Variants in B4GALNT3 observed in about 807,000 individuals in gnomAD.
The protein encoded by B4GALNT3 is beta-1,4-N-acetylgalactosaminyltransferase 3.
B4GALNT3 carries 86 observed loss-of-function variants against 120.2 expected under a neutral mutation model. That is an observed-to-expected ratio of 0.72 (90% CI 0.60 to 0.86). The LOEUF is 0.86. Among genes scored for constraint, B4GALNT3 ranks in the 40% least tolerant of loss-of-function variants. B4GALNT3 has a pLI of 0.00. For missense variants in B4GALNT3, 1,167 were observed against 1,298.9 expected (o/e 0.90, Z 1.56); for synonymous variants, 518 against 510.4 (o/e 1.01, Z -0.20).
In B4GALNT3 at chr12:562,023, A is replaced by AC. The variant is rs1042631850; in HGVS notation, c.*576dup. On this transcript the variant is annotated 3_prime_UTR_variant, in exon 20 of 20. Transcript: ENST00000266383. The surrounding 1 kb of genome is among the most constrained non-coding windows in gnomAD (Gnocchi z 5.2). ...CCCACGTGGGGCAGGTCTCTGCTCC[A>AC]CCCCAGGCTCGTGCCTTCCAGAGAC... The AC allele has an allele frequency of 6.6e-6, 1 of 152,168 alleles. No homozygotes were observed. The highest frequency in any genetic ancestry group is 6.5e-5 in the Admixed American group (1 of 15,274). The allele number at this position is 152,168 out of a possible 1,614,324, so 9.4% of individuals were successfully genotyped here. A position where few individuals can be genotyped will look rare whatever the true frequency, so the allele number is the denominator to read the frequency against.
At chr12:474,015 C>A (rs942252807) in intron 1 of B4GALNT3, among the ~76,000 whole-genome samples, 12 of 152,066 alleles carry the variant, frequency 7.9e-5, no homozygotes, top group Non-Finnish European at 8.8e-5. Context: ...TTACAAAGAC[C>A]TCAGGAATTT....
At chr12:555,823 C>A (rs187316089) in intron 14 of B4GALNT3, among the ~76,000 whole-genome samples, 6 of 151,238 alleles carry the variant, frequency 4.0e-5, no homozygotes, top group Non-Finnish European at 8.8e-5. Context: ...CTCGCTCTGT[C>A]GCCCAGGCTG....
intron 3 of B4GALNT3, among the ~76,000 whole-genome samples, chr12:536,648 T>C (rs1946863745): frequency 6.6e-6 from 1 of 152,172 alleles, no homozygotes; most frequent in Non-Finnish European, 1.5e-5. Flanking sequence ...ACACCTAGTT[T>C]AGTGATTTCA....
chr12:512,165 A>C (rs1171506108), intron 1 of B4GALNT3, among the ~76,000 whole-genome samples: 1 of 50,116 alleles, frequency 2.0e-5, no homozygotes, highest in Non-Finnish European at 3.2e-5. Context: ...TCCGCCTTCC[A>C]CCTTCCGCCT....
chr12:554,110 G>A (rs1243515939), intron 14 of B4GALNT3, 127 bp downstream of exon 14: 11 of 669,808 alleles, frequency 1.6e-5, no homozygotes, highest in Admixed American at 2.8e-5. Flanking sequence ...CTTTGCCCCC[G>A]ACTCAGGCTC....
chr12:478,620 G>A (rs1946207190), intron 1 of B4GALNT3, among the ~76,000 whole-genome samples: 1 of 152,160 alleles, frequency 6.6e-6, no homozygotes, highest in Non-Finnish European at 1.5e-5. Flanking sequence ...TCTTCTAGCA[G>A]CTTTTTCAAC....
At chr12:491,355 A>T (rs551047058) in intron 1 of B4GALNT3, among the ~76,000 whole-genome samples, 1 of 150,562 alleles carries the variant, frequency 6.6e-6, no homozygotes, top group Admixed American at 6.6e-5. Flanking sequence ...TTTTTAAGAC[A>T]GTCTTGCTTT....
At chr12:482,968 C>G (rs1946255716) in intron 1 of B4GALNT3, among the ~76,000 whole-genome samples, 2 of 152,150 alleles carry the variant, frequency 1.3e-5, no homozygotes, top group African/African-American at 4.8e-5. Context: ...AGTGCAGTGG[C>G]ATGATCATGG....
chr12:539,473 G>GT (rs1335798097), intron 3 of B4GALNT3, among the ~76,000 whole-genome samples: 12 of 151,182 alleles, frequency 7.9e-5, no homozygotes, highest in Non-Finnish European at 1.6e-4. Flanking sequence ...TGAGAAGGCA[G>GT]TGTCTCTCTT....
chr12:499,031 A>C (rs1946415695), intron 1 of B4GALNT3, among the ~76,000 whole-genome samples: 1 of 152,194 alleles, frequency 6.6e-6, no homozygotes, highest in South Asian at 2.1e-4. Flanking sequence ...GAGAGGACAC[A>C]AAATCTGGTG....
Position 561,620 on chromosome 12 carries a change from G to C in B4GALNT3, c.*169G>C. The stretch of plus-strand genomic sequence containing the variant: ...CTGTCCCCTCACAGAGGCAGGTTCC[G>C]GGGCTCCTGTCTCTGCCTCCTGGGC... On this transcript the variant is annotated 3_prime_UTR_variant, in exon 20 of 20. Coordinates refer to ENST00000266383, the MANE Select transcript of B4GALNT3 (RefSeq NM_173593.4). The C allele has an allele frequency of 1.7e-6, 1 of 596,140 alleles. No individual in the cohort carries two copies. Among genetic ancestry groups the C allele is most frequent in the Non-Finnish European group, 3.0e-6 (1 of 338,002 alleles). 36.9% of individuals were successfully genotyped at this position (596,140 alleles called of 1,614,324 possible).
intron 1 of B4GALNT3, among the ~76,000 whole-genome samples, chr12:508,248 G>A (rs1238331274): frequency 6.6e-6 from 1 of 152,186 alleles, no homozygotes; most frequent in Non-Finnish European, 1.5e-5. Context: ...TACCTCAGAA[G>A]GTCCAGTGCA....
chr12:521,443 G>A (rs867432445), intron 1 of B4GALNT3, among the ~76,000 whole-genome samples: 2 of 152,166 alleles, frequency 1.3e-5, no homozygotes, highest in African/African-American at 2.4e-5. Context: ...GCCCAGTCGT[G>A]TGGTTCTGTC....
chr12:543,253 G>A, intron 3 of B4GALNT3: 1 of 1,237,864 alleles, frequency 8.1e-7, no homozygotes, highest in Non-Finnish European at 1.1e-6. Context: ...GGATAGAGTG[G>A]GCCGGACCCG....
chr12:497,618 T>G (rs1025856679), intron 1 of B4GALNT3, among the ~76,000 whole-genome samples: 1 of 152,222 alleles, frequency 6.6e-6, no homozygotes, highest in African/African-American at 2.4e-5. Context: ...TCATTTCTTT[T>G]GGGTATAGAC....
At chr12:518,622 C>G (rs1354427242) in intron 1 of B4GALNT3, among the ~76,000 whole-genome samples, 1 of 152,060 alleles carries the variant, frequency 6.6e-6, no homozygotes, top group Non-Finnish European at 1.5e-5. Flanking sequence ...TGGTCTCCAA[C>G]TCCTGGGCTC....
chr12:495,068 C>T (rs146593696), intron 1 of B4GALNT3, among the ~76,000 whole-genome samples: 24 of 152,306 alleles, frequency 1.6e-4, no homozygotes, highest in African/African-American at 5.1e-4. Context: ...TTCTGTGTTC[C>T]TGGCACAATG....
chr12:555,552 T>C, intron 14 of B4GALNT3: 1 of 347,752 alleles, frequency 2.9e-6, no homozygotes, highest in Non-Finnish European at 5.7e-6. Flanking sequence ...TGAACATTCA[T>C]GCACAAGCTT....
At chr12:536,151 CTCCTG>C in intron 2 of B4GALNT3, 62 bp from the exon 3 acceptor site, 1 of 1,389,538 alleles carries the variant, frequency 7.2e-7, no homozygotes, top group Non-Finnish European at 1.0e-6. Context: ...GGCACTGTGC[CTCCTG>C]TCCTGCCCGT....
Sources: gnomAD v4.1 joint callset for allele counts (sites outside exome capture counted in the v4.1 genomes callset) on GRCh38, gnomAD v4.1.1 for gene constraint, Gnocchi (gnomAD v3.1) non-coding constraint, MANE v1.5 for transcripts, NCBI Gene and HGNC (gene_info 2026-07-23, HGNC 2026-07-21) for gene names.